The following NCOA6 variants were observed in gnomAD, a reference collection of about 807,000 sequenced individuals.
NCOA6 encodes nuclear receptor coactivator 6.
NCOA6 carries 49 observed loss-of-function variants against 171.4 expected under a neutral mutation model. The observed-to-expected ratio is 0.29, with a 90% CI of 0.23 to 0.36. The LOEUF (loss-of-function observed/expected upper bound fraction) is 0.36. Among genes scored for constraint, NCOA6 ranks in the 10% least tolerant of loss-of-function variants. The pLI is 1.00. For synonymous variants in NCOA6, 910 were observed against 927.5 expected (o/e 0.98, Z 0.34); for missense variants, 2,248 against 2,554.5 (o/e 0.88, Z 2.59).
chr20:34,731,342 A>G (rs1404633740), intron 13 of NCOA6, among the ~76,000 whole-genome samples: 1 of 152,220 alleles, frequency 6.6e-6, no homozygotes, highest in Admixed American at 6.5e-5. Flanking sequence ...CTTGATCTAT[A>G]AATCCCATCT....
At chr20:34,775,417 C>T (rs996655141) in intron 4 of NCOA6, among the ~76,000 whole-genome samples, 2 of 151,684 alleles carry the variant, frequency 1.3e-5, no homozygotes, top group Non-Finnish European at 1.5e-5. Flanking sequence ...TGCGGGCCGG[C>T]GTGATGGCCT....
intron 14 of NCOA6, among the ~76,000 whole-genome samples, chr20:34,715,602 ACT>A (rs1988451405): frequency 6.6e-6 from 1 of 152,174 alleles, no homozygotes; most frequent in South Asian, 2.1e-4. Context: ...GATGAAGCAC[ACT>A]GACTAGAGAA....
chr20:34,795,208 A>G (rs952025395), intron 1 of NCOA6, among the ~76,000 whole-genome samples: 1 of 152,164 alleles, frequency 6.6e-6, no homozygotes, highest in Non-Finnish European at 1.5e-5. Context: ...ATGATCGAAA[A>G]TTGTTGGAAA....
chr20:34,811,978 G>T (rs1006569367), intron 1 of NCOA6, among the ~76,000 whole-genome samples: 1 of 152,084 alleles, frequency 6.6e-6, no homozygotes, highest in Admixed American at 6.6e-5. Flanking sequence ...GGCCGGGCAC[G>T]GTGGCTCATG....
chr20:34,806,797 G>T (rs1457686400), intron 1 of NCOA6, among the ~76,000 whole-genome samples: 2 of 152,154 alleles, frequency 1.3e-5, no homozygotes, highest in East Asian at 1.9e-4. Context: ...TGCTGTTTTG[G>T]TTACAATAGT....
chr20:34,802,851 C>CT (rs2078301733), intron 1 of NCOA6, among the ~76,000 whole-genome samples: 2 of 152,136 alleles, frequency 1.3e-5, no homozygotes, highest in Admixed American at 1.3e-4. Context: ...TCTCACCCTG[C>CT]TGCCCAGGCT....
Position 34,786,804 on chromosome 20 carries a change from G to A in NCOA6, c.-49-4400C>T, listed in dbSNP as rs78402359. On this transcript the variant is annotated intron_variant, in intron 2 of 14. Coordinates refer to ENST00000359003, the MANE Select transcript of NCOA6 (RefSeq NM_014071.5). ...AATTGAAACTGGACCCCTTCCTTAC[G>A]CCATCCTTACAAAAATTAACTCAAA... Among the ~76,000 whole-genome samples the A allele has an allele frequency of 1.7e-3, 253 of 151,992 alleles. 1 individual carries two copies. The highest frequency in any genetic ancestry group is 2.7e-3 in the Non-Finnish European group (184 of 67,976).
Position 34,758,052 on chromosome 20 carries a change from G to C in NCOA6, c.696C>G (p.Pro232=). ...GATGTGGGGGAGCTAAAGATCCTGA[G>C]GGATGACTTTGCTGCTGTATATGGA... ...SGLHIQQQSH[P]SGSLAPPHHP... The change falls in exon 7 of 15, where the codon CCC becomes CCG. Residue 232 remains proline, a synonymous_variant. Coordinates refer to ENST00000359003, the MANE Select transcript of NCOA6 (RefSeq NM_014071.5). 1 of 1,614,022 alleles carries C rather than the reference G, an allele frequency of 6.2e-7. No individual in the cohort carries two copies. Among genetic ancestry groups the C allele is most frequent in the South Asian group, 1.1e-5 (1 of 91,072 alleles).
At chr20:34,721,979 C>T (rs1302820319) in intron 14 of NCOA6, among the ~76,000 whole-genome samples, 1 of 147,270 alleles carries the variant, frequency 6.8e-6, no homozygotes, top group African/African-American at 2.5e-5. Context: ...TGCTTGAGCC[C>T]AAGAGTTTGA....
chr20:34,809,620 G>T, intron 1 of NCOA6: 1 of 393,202 alleles, frequency 2.5e-6, no homozygotes, highest in Non-Finnish European at 4.5e-6. Context: ...AAATTTTTGT[G>T]ATTGGCCAAA....
intron 4 of NCOA6, among the ~76,000 whole-genome samples, chr20:34,774,260 A>G (rs2077241732): frequency 6.6e-6 from 1 of 152,192 alleles, no homozygotes; most frequent in African/African-American, 2.4e-5. Flanking sequence ...TAAAGTATAA[A>G]CAGCCCACAT....
chr20:34,768,824 T>C (rs1361515613), intron 4 of NCOA6, among the ~76,000 whole-genome samples: 1 of 152,122 alleles, frequency 6.6e-6, no homozygotes, highest in African/African-American at 2.4e-5. Context: ...AGGGTGACCA[T>C]GAATGATGCT....
chr20:34,817,978 T>G (rs2078895735), intron 1 of NCOA6, among the ~76,000 whole-genome samples: 1 of 152,148 alleles, frequency 6.6e-6, no homozygotes, highest in Admixed American at 6.6e-5. Context: ...CTTCCATGAT[T>G]TGATTATATG....
chr20:34,730,213 C>T (rs1188434798), intron 13 of NCOA6, among the ~76,000 whole-genome samples: 2 of 152,010 alleles, frequency 1.3e-5, no homozygotes, highest in Non-Finnish European at 2.9e-5. Context: ...GGACTACAGG[C>T]AAGTGCCACC....
chr20:34,724,753 G>A (rs1248295884), intron 14 of NCOA6, among the ~76,000 whole-genome samples: 2 of 151,508 alleles, frequency 1.3e-5, no homozygotes, highest in Non-Finnish European at 2.9e-5. Context: ...TTAACACAGA[G>A]TATTAGAATT....
In NCOA6 at chr20:34,761,135, T is replaced by A. The variant is rs185030739; in HGVS notation, c.515-2202A>T. 2.0e-5 allele frequency among the ~76,000 whole-genome samples: 3 copies of A among 152,302 alleles called. No individual in the cohort carries two copies. In the East Asian group the frequency reaches 5.8e-4, roughly 29 times the overall value. ...TACTCAGGAGGCTGAGGCAGGAGAA[T>A]CTTTTGGTTTTGCTGTTCTGTTGTT... On this transcript the variant is annotated intron_variant, in intron 5 of 14. Transcript: ENST00000359003.
chr20:34,741,408 C>T lies in NCOA6; in HGVS notation c.4848G>A (p.Leu1616=). 1 of 1,614,162 alleles carries T rather than the reference C, an allele frequency of 6.2e-7. No individual in the cohort carries two copies. Among genetic ancestry groups the T allele is most frequent in the African/African-American group, 1.3e-5 (1 of 75,036 alleles). Residue 1616 remains leucine, a synonymous_variant, in exon 11 of 15, where the codon TTG becomes TTA. Coordinates refer to ENST00000359003, the MANE Select transcript of NCOA6 (RefSeq NM_014071.5). ...ITTSANTSAA[L]PTHLQSALMS... Reference sequence around the variant, plus strand: ...TCAATGCAGACTGCAAGTGAGTTGGCAAAGCTGCTGATGTGTTAGCTGAAG... The same window carrying T: ...TCAATGCAGACTGCAAGTGAGTTGGTAAAGCTGCTGATGTGTTAGCTGAAG...
chr20:34,734,367 T>G (rs1421778540), intron 12 of NCOA6, among the ~76,000 whole-genome samples: 2 of 151,728 alleles, frequency 1.3e-5, no homozygotes, highest in Non-Finnish European at 2.9e-5. Flanking sequence ...CCTGGCCTAT[T>G]TTTATTTTTT....
intron 4 of NCOA6, among the ~76,000 whole-genome samples, chr20:34,769,553 G>A (rs1433878543): frequency 7.9e-5 from 12 of 151,902 alleles, no homozygotes; most frequent in East Asian, 7.7e-4. Flanking sequence ...TAGTAGAGAC[G>A]GGGTTTCACC....
Sources: allele counts gnomAD v4.1 joint callset (sites outside exome capture counted in the v4.1 genomes callset), GRCh38; gene constraint gnomAD v4.1.1; transcripts MANE v1.5; gene names NCBI Gene and HGNC (gene_info 2026-07-23, HGNC 2026-07-21).